Variants in SORT1 observed in about 807,000 individuals in gnomAD.
SORT1 encodes sortilin 1.
In SORT1, 39 loss-of-function variants were observed where a neutral mutation model predicts 101.7. The ratio of observed to expected loss-of-function variants is 0.38; its 90% confidence interval spans 0.30 to 0.50. SORT1 has a LOEUF of 0.50. Among genes scored for constraint, SORT1 ranks in the 20% least tolerant of loss-of-function variants. The probability of loss-of-function intolerance (pLI) is 0.90; values close to 1 mark genes in which losing one functional copy is unlikely to be tolerated. For synonymous variants in SORT1, 396 were observed against 393.7 expected, an observed-to-expected ratio of 1.01 and a Z score of -0.07; for missense variants, 878 against 1,040.4, an observed-to-expected ratio of 0.84 and a Z score of 2.15.
chr1:109,365,640 A>G (rs1363887271), intron 3 of SORT1, among the ~76,000 whole-genome samples: 1 of 152,234 alleles, frequency 6.6e-6, no homozygotes, highest in South Asian at 2.1e-4. Flanking sequence ...ATTATAAAGA[A>G]GCCAAGACAT....
At chr1:109,325,231 C>CT (rs35552184) in intron 13 of SORT1, 142 bp from the exon 14 acceptor site, 7,157 of 189,240 alleles carry the variant, frequency 0.038, 81 homozygotes, top group African/African-American at 0.067. Context: ...ATTATTTTAA[C>CT]TTTTTTTTTT....
At chr1:109,391,953 C>A (rs372832954) in intron 1 of SORT1, among the ~76,000 whole-genome samples, 1 of 152,312 alleles carries the variant, frequency 6.6e-6, no homozygotes, top group African/African-American at 2.4e-5. Flanking sequence ...TTGTAGAAAT[C>A]TACAAATGCA....
Position 109,345,747 on chromosome 1 carries a change from C to A in SORT1, c.963+4G>T. On this transcript the variant is annotated splice_donor_region_variant and intron_variant, in intron 8 of 19. Coordinates refer to ENST00000256637, the MANE Select transcript of SORT1 (RefSeq NM_002959.7). ...GACCCCAAAGGGGAGAGGGCAATAC[C>A]TACCTTATCAGCCATCACAGAGGCA... 2.5e-6 allele frequency: 4 copies of A among 1,612,632 alleles called. No homozygotes were observed. The highest frequency in any genetic ancestry group is 3.4e-6 in the Non-Finnish European group (4 of 1,179,390).
At chr1:109,345,716 A>T in intron 8 of SORT1, 35 bp downstream of exon 8, 11 of 1,576,620 alleles carry the variant, frequency 7.0e-6, no homozygotes, top group South Asian at 1.2e-5. Context: ...ATTTGCAGAA[A>T]TATCAGACCC....
chr1:109,324,515 A>G (rs1052649561), intron 14 of SORT1, among the ~76,000 whole-genome samples: 10 of 152,164 alleles, frequency 6.6e-5, no homozygotes, highest in African/African-American at 2.4e-4. Context: ...CTTTGGAAAC[A>G]CTGTGCAATG....
chr1:109,314,152 T>A (rs756589292), intron 19 of SORT1, 95 bp from the exon 20 acceptor site: 7 of 1,596,954 alleles, frequency 4.4e-6, no homozygotes, highest in Non-Finnish European at 6.0e-6. Flanking sequence ...CTTATGGTCA[T>A]TAAGTCGCCT....
At position 109,397,821 on chromosome 1, in the gene SORT1, C is replaced by CAGGAGG. The variant is rs764572279; in HGVS notation, c.66_71dup (p.Leu23_Leu24dup). 1 of 1,296,716 alleles carries CAGGAGG rather than the reference C, an allele frequency of 7.7e-7. No homozygotes were observed. Among genetic ancestry groups the CAGGAGG allele is most frequent in the South Asian group, 1.8e-5 (1 of 57,044 alleles). The allele number at this position is 1,296,716 out of a possible 1,614,324, so 80.3% of individuals were successfully genotyped here. ...TGAGGGTCGACGGCGGCAGCAGCTGCAGGAGGAGGAGGAGGCCGAGGCCAT... is the reference window on the plus strand; with the variant it reads ...TGAGGGTCGACGGCGGCAGCAGCTGCAGGAGGAGGAGGAGGAGGAGGCCGAGGCCAT... On this transcript the variant is annotated inframe_insertion, in exon 1 of 20. Coordinates refer to ENST00000256637, the MANE Select transcript of SORT1 (RefSeq NM_002959.7).
chr1:109,351,839 C>A (rs1570938001), intron 5 of SORT1, among the ~76,000 whole-genome samples: 1 of 152,176 alleles, frequency 6.6e-6, no homozygotes, highest in East Asian at 1.9e-4. Flanking sequence ...GAATGACTGC[C>A]ACATTAGTTC....
intron 15 of SORT1, among the ~76,000 whole-genome samples, chr1:109,318,236 C>A (rs1396676597): frequency 6.6e-6 from 1 of 151,754 alleles, no homozygotes; most frequent in African/African-American, 2.4e-5. Context: ...TCACTGCAAC[C>A]TCCGCCTCCG....
At position 109,323,012 on chromosome 1, in the gene SORT1, T is replaced by G; in HGVS notation, c.1944A>C (p.Ser648=). The change falls in exon 15 of 20, where the codon TCA becomes TCC. Residue 648 remains serine, a synonymous_variant. Transcript: ENST00000256637. ...AGTCTCGACCATTCTGACACACGGA[T>G]GACTTGCGTAGCCGCAGAAACTGTT... ...YKEQFLRLRK[S]SVCQNGRDYV... 6.2e-7 allele frequency: 1 copy of G among 1,614,198 alleles called. No individual in the cohort carries two copies. Among genetic ancestry groups the G allele is most frequent in the Non-Finnish European group, 8.5e-7 (1 of 1,180,012 alleles).
chr1:109,329,198 GAT>G (rs1275241701), intron 11 of SORT1, among the ~76,000 whole-genome samples: 1 of 152,132 alleles, frequency 6.6e-6, no homozygotes, highest in African/African-American at 2.4e-5. Context: ...TAAAAGTAGA[GAT>G]AAAAAAAAGA....
chr1:109,342,060 C>T lies in SORT1; in HGVS notation c.1062G>A (p.Leu354=). ...SVGQEQFYSI[L]AANDDMVFMH... Reference sequence around the variant, plus strand: ...TGAATACCATGTCATCATTTGCTGCCAGAATAGAATAGAACTGTTCCTGTC... The same window carrying T: ...TGAATACCATGTCATCATTTGCTGCTAGAATAGAATAGAACTGTTCCTGTC... The change falls in exon 9 of 20, where the codon CTG becomes CTA. Residue 354 remains leucine (L), a synonymous_variant. Transcript: ENST00000256637. The T allele has an allele frequency of 2.5e-6, 4 of 1,613,918 alleles. No homozygotes were observed. Among genetic ancestry groups the T allele is most frequent in the Non-Finnish European group, 3.4e-6 (4 of 1,179,968 alleles).
intron 1 of SORT1, among the ~76,000 whole-genome samples, chr1:109,369,885 G>C (rs566450650): frequency 3.9e-4 from 59 of 152,216 alleles, no homozygotes; most frequent in South Asian, 1.0e-3. Context: ...TTCTCCAACA[G>C]AACTAAATAT....
intron 11 of SORT1, among the ~76,000 whole-genome samples, chr1:109,333,948 C>T (rs1648632295): frequency 6.6e-6 from 1 of 152,106 alleles, no homozygotes; most frequent in South Asian, 2.1e-4. Context: ...AGTTCGAGAC[C>T]AGCCTGGCCA....
intron 11 of SORT1, among the ~76,000 whole-genome samples, chr1:109,328,957 G>A (rs1409055544): frequency 6.6e-6 from 1 of 152,168 alleles, no homozygotes; most frequent in Non-Finnish European, 1.5e-5. Context: ...CCGGGCTCCA[G>A]GTGTTTCACC....
intron 1 of SORT1, among the ~76,000 whole-genome samples, chr1:109,383,725 T>C (rs935302459): frequency 2.0e-5 from 3 of 152,228 alleles, no homozygotes; most frequent in Non-Finnish European, 4.4e-5. Context: ...ATAGTTCTGT[T>C]AAATTAGGCA....
At chr1:109,385,269 G>A (rs1310693539) in intron 1 of SORT1, among the ~76,000 whole-genome samples, 3 of 152,056 alleles carry the variant, frequency 2.0e-5, no homozygotes, top group Admixed American at 2.0e-4. Context: ...ATTTGGGGAG[G>A]CACATTCAAA....
Position 109,314,251 on chromosome 1 carries a change from A to G in SORT1, c.2481+10T>C, listed in dbSNP as rs1241123661. 4 of 1,613,048 alleles carry G rather than the reference A, an allele frequency of 2.5e-6. No homozygotes were observed. Among genetic ancestry groups the G allele is most frequent in the Non-Finnish European group, 3.4e-6 (4 of 1,179,642 alleles). ...GGGGGGTACTACCATTCAAGAAGAAATAGCCTCACCTCATCTGAGTCATCA... is the reference window on the plus strand; with the variant it reads ...GGGGGGTACTACCATTCAAGAAGAAGTAGCCTCACCTCATCTGAGTCATCA... On this transcript the variant is annotated intron_variant, in intron 19 of 19. Transcript: ENST00000256637.
intron 9 of SORT1, among the ~76,000 whole-genome samples, chr1:109,341,496 G>A (rs895040065): frequency 3.9e-5 from 6 of 151,906 alleles, no homozygotes; most frequent in Admixed American, 2.6e-4. Flanking sequence ...ATAGGTGCTC[G>A]CCACCACGGC....
Sources: gnomAD v4.1 joint callset for allele counts (sites outside exome capture counted in the v4.1 genomes callset) on GRCh38, gnomAD v4.1.1 for gene constraint, MANE v1.5 for transcripts, NCBI Gene and HGNC (gene_info 2026-07-23, HGNC 2026-07-21) for gene names.